DMD: variants seen among roughly 807,000 people sequenced by gnomAD.
The protein encoded by DMD is dystrophin.
In DMD, 63 loss-of-function variants were observed where a neutral mutation model predicts 330.1. The observed-to-expected ratio is 0.19, with a 90% CI of 0.16 to 0.24. DMD has a LOEUF of 0.24. Ranked by LOEUF, DMD falls within the 10% of genes least tolerant of loss-of-function variation. The pLI, the probability that DMD is intolerant of heterozygous loss-of-function variation, is 1.00. For missense variants in DMD, 3,344 were observed against 2,684.1 expected (o/e 1.25, Z -5.43); for synonymous variants, 1,223 against 959.8 (o/e 1.27, Z -5.07).
intron 2 of DMD, among the ~76,000 whole-genome samples, chrX:32,957,084 T>A (rs1279318873): frequency 9.0e-6 from 1 of 111,646 alleles, no homozygotes; most frequent in Non-Finnish European, 1.9e-5. Context: ...CTCATTTAAA[T>A]TATGTTCCCC....
At chrX:32,795,042 C>A (rs1446992309) in intron 7 of DMD, among the ~76,000 whole-genome samples, 1 of 111,922 alleles carries the variant, frequency 8.9e-6, no homozygotes, top group Non-Finnish European at 1.9e-5. Context: ...CCATGTTTAT[C>A]GGTCAGAAGA....
chrX:33,159,141 T>C (rs780309987), intron 1 of DMD: 13 of 112,025 alleles, frequency 1.2e-4, no homozygotes, highest in African/African-American at 3.9e-4. Flanking sequence ...ACAACAAATA[T>C]TTTACAAATA....
chrX:32,921,739 T>C (rs936383503), intron 2 of DMD, among the ~76,000 whole-genome samples: 3 of 111,633 alleles, frequency 2.7e-5, no homozygotes, highest in Non-Finnish European at 3.8e-5. Flanking sequence ...AACTAGGTAA[T>C]TGGAGCTTTA....
At chrX:31,863,833 A>C (rs1230009562) in intron 48 of DMD, among the ~76,000 whole-genome samples, 1 of 111,650 alleles carries the variant, frequency 9.0e-6, no homozygotes, top group Non-Finnish European at 1.9e-5. Flanking sequence ...TAGAGTGGCT[A>C]ATAAAACTTT....
chrX:31,504,960 C>A (rs2070782737), intron 56 of DMD, among the ~76,000 whole-genome samples: 1 of 112,114 alleles, frequency 8.9e-6, no homozygotes, highest in East Asian at 2.8e-4. Context: ...ACTGCGGTAG[C>A]TGACATGGGA....
At chrX:31,367,971 A>G (rs1295180158) in intron 60 of DMD, among the ~76,000 whole-genome samples, 1 of 112,136 alleles carries the variant, frequency 8.9e-6, no homozygotes, top group Non-Finnish European at 1.9e-5. Context: ...TGAGGTTTGT[A>G]GCAAATATGT....
intron 37 of DMD, among the ~76,000 whole-genome samples, chrX:32,352,116 A>G (rs2097783653): frequency 9.0e-6 from 1 of 111,110 alleles, no homozygotes; most frequent in African/African-American, 3.2e-5. Flanking sequence ...TATAAGAACA[A>G]CTGATGAGGA....
intron 1 of DMD, among the ~76,000 whole-genome samples, chrX:33,098,148 T>C (rs1415098421): frequency 8.9e-6 from 1 of 111,745 alleles, no homozygotes; most frequent in East Asian, 2.8e-4. Context: ...AATTGAATCT[T>C]TCCCAGATAG....
chrX:31,949,355 C>G (rs1196462855), intron 45 of DMD, among the ~76,000 whole-genome samples: 1 of 111,235 alleles, frequency 9.0e-6, no homozygotes, highest in Non-Finnish European at 1.9e-5. Flanking sequence ...TTTCAGAGTA[C>G]AGGTTTAGTA....
At chrX:32,224,142 T>C (rs1369238233) in intron 43 of DMD, among the ~76,000 whole-genome samples, 1 of 111,498 alleles carries the variant, frequency 9.0e-6, no homozygotes, top group African/African-American at 3.3e-5. Context: ...CCAAATAATT[T>C]ATCCTACTCT....
rs1394060458 is a variant in DMD, at chrX:32,736,173, C to T, written c.650-36880G>A. Among the ~76,000 whole-genome samples the T allele has an allele frequency of 7.1e-5, 8 of 112,306 alleles. No homozygotes were observed. The South Asian group carries it at 2.6e-3, about 36-fold the overall frequency. On this transcript the variant is annotated intron_variant, in intron 7 of 78. Coordinates refer to ENST00000357033, the MANE Select transcript of DMD (RefSeq NM_004006.3). ...AAAAGACACATGAAAAAATGCTCAT[C>T]ATCACTGGGCATCAGAGAAATGCAA... is the stretch of plus-strand genomic sequence containing the variant.
intron 1 of DMD, among the ~76,000 whole-genome samples, chrX:33,023,767 G>A (rs1334292203): frequency 1.8e-5 from 2 of 111,158 alleles, no homozygotes; most frequent in South Asian, 3.8e-4. Context: ...ATTATCTGAT[G>A]AAAATAATGA....
chrX:31,450,361 T>C (rs894896783), intron 59 of DMD, among the ~76,000 whole-genome samples: 1 of 112,058 alleles, frequency 8.9e-6, no homozygotes, highest in South Asian at 3.7e-4. Context: ...ATCATCCTCA[T>C]GGGGCCAAGA....
chrX:31,205,750 T>C (rs1366181701), intron 66 of DMD, among the ~76,000 whole-genome samples: 1 of 112,714 alleles, frequency 8.9e-6, no homozygotes, highest in Non-Finnish European at 1.9e-5. Context: ...GAAGGAGAAA[T>C]GATCAGTAGG....
rs139409734 is a variant in DMD at position 31,714,974 on chromosome X, T to A, written c.7660+14657A>T. Among the ~76,000 whole-genome samples, 557 of 111,010 alleles carry A rather than the reference T, an allele frequency of 5.0e-3. 1 individual carries two copies. The highest frequency in any genetic ancestry group is 0.018 in the South Asian group (46 of 2,608). Reference sequence around the variant, plus strand: ...AACACATTCTGTTAGTTGCCACATGTTGATATTTATTCTACTTCTCCTAGG... The same window carrying A: ...AACACATTCTGTTAGTTGCCACATGATGATATTTATTCTACTTCTCCTAGG... On this transcript the variant is annotated intron_variant, in intron 52 of 78. Transcript: ENST00000357033.
intron 52 of DMD, among the ~76,000 whole-genome samples, chrX:31,726,779 G>C (rs1231001977): frequency 2.7e-5 from 3 of 111,901 alleles, no homozygotes; most frequent in East Asian, 2.8e-4. Flanking sequence ...TTCCAGCTTA[G>C]ACTCTTAATA....
chrX:32,596,536 CTTTTT>C (rs34125114), intron 12 of DMD, among the ~76,000 whole-genome samples: 2 of 107,812 alleles, frequency 1.9e-5, no homozygotes, highest in Admixed American at 2.0e-4. Flanking sequence ...CTATGTGCTA[CTTTTT>C]TTATTTTTTT....
intron 47 of DMD, among the ~76,000 whole-genome samples, chrX:31,898,417 A>G (rs1198988559): frequency 2.6e-4 from 29 of 110,719 alleles, no homozygotes; most frequent in African/African-American, 8.9e-4. Context: ...GTACCAAAAC[A>G]GAGATATAGA....
chrX:32,562,593 T>G (rs1256405268), intron 16 of DMD, among the ~76,000 whole-genome samples: 1 of 112,701 alleles, frequency 8.9e-6, no homozygotes, highest in Non-Finnish European at 1.9e-5. Context: ...GTATATCATG[T>G]GAGTAGTCAT....
Sources: gnomAD v4.1 joint callset for allele counts (sites outside exome capture counted in the v4.1 genomes callset) on GRCh38, gnomAD v4.1.1 for gene constraint, MANE v1.5 for transcripts, NCBI Gene and HGNC (gene_info 2026-07-23, HGNC 2026-07-21) for gene names.